RORA: variants seen among roughly 807,000 people sequenced by gnomAD.
RORA encodes RAR related orphan receptor A.
A neutral mutation model predicts 69.5 loss-of-function variants in RORA; 7 were observed. That is an observed-to-expected ratio of 0.10 (90% CI 0.06 to 0.19). The LOEUF (loss-of-function observed/expected upper bound fraction) is 0.19, where lower values mean the gene tolerates loss of function less well. RORA is among the 10% of genes least tolerant of loss of function. The pLI is 1.00. For missense variants in RORA, 457 were observed against 663.0 expected, an observed-to-expected ratio of 0.69 and a Z score of 3.41; for synonymous variants, 261 against 240.8, an observed-to-expected ratio of 1.08 and a Z score of -0.78.
rs762050148 is a variant in RORA, at chr15:60,499,885, C to T, written c.1407+7G>A. On this transcript the variant is annotated splice_region_variant and intron_variant, in intron 10 of 10. Coordinates refer to ENST00000335670, the MANE Select transcript of RORA (RefSeq NM_134261.3). ...GGCCATGCCAACTAGAAGCCTTTGG[C>T]ACTCACCTTTGTTAGTATTCCATCT... 6.5e-7 allele frequency: 1 copy of T among 1,530,802 alleles called. No individual in the cohort carries two copies. The highest frequency in any genetic ancestry group is 1.4e-5 in the African/African-American group (1 of 72,696). The allele number at this position is 1,530,802 out of a possible 1,614,324, so 94.8% of individuals were successfully genotyped here.
intron 1 of RORA, among the ~76,000 whole-genome samples, chr15:60,716,795 T>A (rs2071225810): frequency 6.6e-6 from 1 of 152,078 alleles, no homozygotes; most frequent in African/African-American, 2.4e-5. Context: ...GAGGGCTGGG[T>A]TCAGAGCTGA....
At chr15:60,932,555 G>A (rs575240799) in intron 1 of RORA, among the ~76,000 whole-genome samples, 2 of 152,278 alleles carry the variant, frequency 1.3e-5, no homozygotes, top group East Asian at 3.9e-4. Context: ...GCAACAGCTC[G>A]AGATATGCAG....
At chr15:61,114,736 C>T (rs944351962) in intron 1 of RORA, among the ~76,000 whole-genome samples, 2 of 152,156 alleles carry the variant, frequency 1.3e-5, no homozygotes, top group Non-Finnish European at 2.9e-5. Flanking sequence ...TATCCCTATA[C>T]TTTGTTCTTG....
intron 2 of RORA, among the ~76,000 whole-genome samples, chr15:60,602,805 A>G (rs984262493): frequency 6.6e-6 from 1 of 152,032 alleles, no homozygotes. Flanking sequence ...ATGTTGGAAA[A>G]CTCACCCTTT....
intron 1 of RORA, among the ~76,000 whole-genome samples, chr15:61,039,337 A>G (rs1896617654): frequency 6.6e-6 from 1 of 152,144 alleles, no homozygotes; most frequent in South Asian, 2.1e-4. Context: ...AAATGTTGGC[A>G]TTTGGGAATT....
At chr15:61,132,908 A>G (rs1408313280) in intron 1 of RORA, among the ~76,000 whole-genome samples, 1 of 152,214 alleles carries the variant, frequency 6.6e-6, no homozygotes, top group Admixed American at 6.5e-5. Flanking sequence ...TGCTGAATAA[A>G]TCCGGCTATA....
chr15:60,982,808 G>T (rs1894085599), intron 1 of RORA, among the ~76,000 whole-genome samples: 1 of 152,106 alleles, frequency 6.6e-6, no homozygotes. Context: ...ACATTCCAGA[G>T]TTCTGAAAAA....
At chr15:60,687,503 C>T (rs1236533479) in intron 1 of RORA, among the ~76,000 whole-genome samples, 3 of 152,138 alleles carry the variant, frequency 2.0e-5, no homozygotes, top group Admixed American at 1.3e-4. Context: ...CAAGATACTT[C>T]TCTTGGGAGG....
At chr15:60,885,473 G>C (rs1274456146) in intron 1 of RORA, among the ~76,000 whole-genome samples, 1 of 152,214 alleles carries the variant, frequency 6.6e-6, no homozygotes, top group Non-Finnish European at 1.5e-5. Flanking sequence ...GCCCGGCCTA[G>C]CCCTGTCTGA....
chr15:61,107,319 T>C (rs1333987622), intron 1 of RORA, among the ~76,000 whole-genome samples: 1 of 152,220 alleles, frequency 6.6e-6, no homozygotes, highest in East Asian at 1.9e-4. Context: ...AAATGATAGG[T>C]GGCAGTTTTG....
chr15:60,818,349 G>C (rs2072845560), intron 1 of RORA, among the ~76,000 whole-genome samples: 1 of 152,012 alleles, frequency 6.6e-6, no homozygotes, highest in Non-Finnish European at 1.5e-5. Context: ...AAGAGGGAAG[G>C]AGAAACCCGT....
chr15:60,566,589 C>T (rs1334492786), intron 2 of RORA, among the ~76,000 whole-genome samples: 1 of 152,122 alleles, frequency 6.6e-6, no homozygotes, highest in East Asian at 1.9e-4. Context: ...TTACACATTA[C>T]TTGAGGTTGG....
rs2140939780 is a variant in RORA at position 61,213,783 on chromosome 15, G to T, written c.166+15270C>A. The T allele has an allele frequency of 6.6e-6, 1 of 152,166 alleles. No homozygotes were observed. Among genetic ancestry groups the T allele is most frequent in the South Asian group, 2.1e-4 (1 of 4,820 alleles). 9.4% of individuals were successfully genotyped at this position (152,166 alleles called of 1,614,324 possible). On this transcript the variant is annotated intron_variant, in intron 1 of 10. Coordinates refer to ENST00000335670, the MANE Select transcript of RORA (RefSeq NM_134261.3). The surrounding 1 kb of genome is among the most constrained non-coding windows in gnomAD (Gnocchi z 4.1). ...CTTGCCCATCAATTCACTTAATTCA[G>T]CTTTGTCGTTCCATTGACTAACATG...
At chr15:60,548,957 A>G (rs1401126300) in intron 2 of RORA, among the ~76,000 whole-genome samples, 1 of 152,206 alleles carries the variant, frequency 6.6e-6, no homozygotes, top group African/African-American at 2.4e-5. Context: ...GTTGTGGATA[A>G]AAATGTAATC....
chr15:60,954,080 G>A (rs1893189914), intron 1 of RORA, among the ~76,000 whole-genome samples: 1 of 149,610 alleles, frequency 6.7e-6, no homozygotes, highest in African/African-American at 2.5e-5. Context: ...AAGAAAATGT[G>A]GCACATATAC....
intron 1 of RORA, among the ~76,000 whole-genome samples, chr15:61,172,679 G>T (rs1251461875): frequency 1.3e-5 from 2 of 152,134 alleles, no homozygotes; most frequent in African/African-American, 2.4e-5. Context: ...CCAGTACAAT[G>T]GGAAAATCGC....
chr15:60,744,266 T>C (rs1595678655), intron 1 of RORA, among the ~76,000 whole-genome samples: 1 of 152,226 alleles, frequency 6.6e-6, no homozygotes, highest in African/African-American at 2.4e-5. Flanking sequence ...TTTTAAATTA[T>C]TTTTGAAAAC....
chr15:61,174,945 A>T lies in RORA; in HGVS notation c.166+54108T>A, dbSNP rs185548107. 5.3e-5 allele frequency among the ~76,000 whole-genome samples: 8 copies of T among 152,282 alleles called. No homozygotes were observed. The East Asian group carries it at 9.7e-4, about 18-fold the overall frequency. On this transcript the variant is annotated intron_variant, in intron 1 of 10. Transcript: ENST00000335670. ...CTTGCCCACAGTTGCACAGCTAGTG[A>T]ATTTGGGGTTTGAACCCAAATCTGC...
In RORA at chr15:61,187,699, C is replaced by G. The variant is rs750925052; in HGVS notation, c.166+41354G>C. The stretch of plus-strand genomic sequence containing the variant: ...TAAGACAGGAAAATCAAATCTCATG[C>G]TTCAAAGCATATGTTTATCACCACA... On this transcript the variant is annotated intron_variant, in intron 1 of 10. Coordinates refer to ENST00000335670, the MANE Select transcript of RORA (RefSeq NM_134261.3). Among the ~76,000 whole-genome samples, 4 of 152,150 alleles carry G rather than the reference C, an allele frequency of 2.6e-5. 1 individual carries two copies. Among genetic ancestry groups the G allele is most frequent in the Non-Finnish European group, 5.9e-5 (4 of 68,036 alleles).
Sources: gnomAD v4.1 joint callset for allele counts (sites outside exome capture counted in the v4.1 genomes callset) on GRCh38, gnomAD v4.1.1 for gene constraint, Gnocchi (gnomAD v3.1) non-coding constraint, MANE v1.5 for transcripts, NCBI Gene and HGNC (gene_info 2026-07-23, HGNC 2026-07-21) for gene names.